RBPMS: variants seen among roughly 807,000 people sequenced by gnomAD.
RBPMS encodes the protein RNA-binding protein with multiple splicing.
RBPMS carries 7 observed loss-of-function variants against 26.8 expected under a neutral mutation model. That is an observed-to-expected ratio of 0.26 (90% CI 0.15 to 0.49). RBPMS has a LOEUF of 0.49. Ranked by LOEUF, RBPMS falls within the 20% of genes least tolerant of loss-of-function variation. The probability of loss-of-function intolerance (pLI) is 0.98; values close to 1 mark genes in which losing one functional copy is unlikely to be tolerated. For synonymous variants in RBPMS, 96 were observed against 93.3 expected (o/e 1.03, Z -0.17); for missense variants, 186 against 250.0 (o/e 0.74, Z 1.73).
In RBPMS at chr8:30,549,828, T is replaced by C. The variant is rs535373018; in HGVS notation, c.528+5204T>C. On this transcript the variant is annotated intron_variant, in intron 6 of 8. Coordinates refer to ENST00000397323, the MANE Select transcript of RBPMS (RefSeq NM_001008710.3). ...CTCCTCTCTCTCTCTCTCTCTCTCT[T>C]TTCTTTCTTTTCTTTCTTTTCTTTC... Among the ~76,000 whole-genome samples the C allele has an allele frequency of 7.9e-5, 11 of 138,842 alleles. No individual in the cohort carries two copies. The South Asian group carries it at 1.2e-3, about 15-fold the overall frequency. The allele number at this position is 138,842 out of a possible 152,430, so 91.1% of individuals were successfully genotyped here.
At chr8:30,504,568 C>T (rs1217125309) in intron 5 of RBPMS, 132 bp downstream of exon 5, 7 of 834,212 alleles carry the variant, frequency 8.4e-6, no homozygotes, top group South Asian at 4.5e-5. Flanking sequence ...GTTGCCTAGG[C>T]GTTCTTGGTG....
At chr8:30,524,482 G>A (rs1823374312) in intron 5 of RBPMS, among the ~76,000 whole-genome samples, 1 of 151,972 alleles carries the variant, frequency 6.6e-6, no homozygotes, top group African/African-American at 2.4e-5. Flanking sequence ...ACAATACTCA[G>A]GTCTATATAT....
intron 6 of RBPMS, chr8:30,556,184 C>T (rs963082782): frequency 2.4e-5 from 24 of 985,302 alleles, no homozygotes; most frequent in Admixed American, 1.2e-4. Flanking sequence ...GTCCGCCACC[C>T]GCCACCACAT....
intron 5 of RBPMS, among the ~76,000 whole-genome samples, chr8:30,509,366 T>C (rs4733495): frequency 0.73 from 110,340 of 151,836 alleles, 40,340 homozygotes; most frequent in East Asian, 0.83. Context: ...TACTTCCTTG[T>C]TTACCTGCCA....
chr8:30,497,955 C>G (rs1230646390), intron 4 of RBPMS, among the ~76,000 whole-genome samples: 2 of 151,558 alleles, frequency 1.3e-5, no homozygotes, highest in Non-Finnish European at 2.9e-5. Flanking sequence ...CAAATTTGAC[C>G]TTGAGTTTCA....
chr8:30,555,126 C>G (rs1826744974), intron 6 of RBPMS, among the ~76,000 whole-genome samples: 1 of 152,174 alleles, frequency 6.6e-6, no homozygotes, highest in South Asian at 2.1e-4. Context: ...GTACCGCTTT[C>G]TCTAGCATTC....
intron 1 of RBPMS, among the ~76,000 whole-genome samples, chr8:30,431,527 T>G (rs970101959): frequency 6.6e-6 from 1 of 152,040 alleles, no homozygotes; most frequent in African/African-American, 2.4e-5. Context: ...TGATCTTGGC[T>G]CACTGCAACC....
intron 5 of RBPMS, among the ~76,000 whole-genome samples, chr8:30,530,141 CTTGAG>C (rs1824057637): frequency 6.6e-6 from 1 of 152,230 alleles, no homozygotes; most frequent in African/African-American, 2.4e-5. Context: ...TTGATGGACA[CTTGAG>C]TTGTTTCCAC....
chr8:30,466,730 G>C, intron 1 of RBPMS, among the ~76,000 whole-genome samples: 1 of 151,834 alleles, frequency 6.6e-6, no homozygotes. Flanking sequence ...AAGTAGCTAG[G>C]ATTACAGGTG....
At chr8:30,528,025 A>C (rs1246139997) in intron 5 of RBPMS, among the ~76,000 whole-genome samples, 2 of 152,302 alleles carry the variant, frequency 1.3e-5, no homozygotes, top group East Asian at 3.9e-4. Flanking sequence ...ATATACAAAA[A>C]TTAGCCGGGC....
chr8:30,477,898 G>A, intron 3 of RBPMS, 61 bp downstream of exon 3: 1 of 1,116,998 alleles, frequency 9.0e-7, no homozygotes, highest in Non-Finnish European at 1.3e-6. Context: ...AATATTGCTG[G>A]GGCTTGACAT....
At chr8:30,566,140 CTT>C (rs1320965495) in intron 7 of RBPMS, 115 bp from the exon 8 acceptor site, 1 of 372,984 alleles carries the variant, frequency 2.7e-6, no homozygotes, top group Non-Finnish European at 3.7e-6. Context: ...CCTTTGATCT[CTT>C]TCGGCGTTGC....
intron 1 of RBPMS, among the ~76,000 whole-genome samples, chr8:30,428,004 C>CA (rs1811538000): frequency 7.5e-6 from 1 of 133,040 alleles, no homozygotes; most frequent in African/African-American, 2.8e-5. Context: ...GCCTTGGCAA[C>CA]AAAATGAGAC....
chr8:30,511,301 G>A (rs1373064924), intron 5 of RBPMS, among the ~76,000 whole-genome samples: 2 of 151,396 alleles, frequency 1.3e-5, no homozygotes, highest in African/African-American at 2.4e-5. Flanking sequence ...GTGACAGAGC[G>A]AGACTCTGCC....
At chr8:30,461,378 T>C (rs1815874972) in intron 1 of RBPMS, among the ~76,000 whole-genome samples, 1 of 152,166 alleles carries the variant, frequency 6.6e-6, no homozygotes, top group African/African-American at 2.4e-5. Flanking sequence ...CTCATTGTAG[T>C]TTCACATACA....
chr8:30,504,213 GT>G, intron 4 of RBPMS, 72 bp from the exon 5 acceptor site: 1 of 1,545,290 alleles, frequency 6.5e-7, no homozygotes, highest in Admixed American at 1.7e-5. Context: ...TTACTGGTGT[GT>G]TTATTTTGTC....
chr8:30,454,943 C>A (rs1485016665), intron 1 of RBPMS, among the ~76,000 whole-genome samples: 3 of 152,204 alleles, frequency 2.0e-5, no homozygotes, highest in Non-Finnish European at 4.4e-5. Context: ...CTGCCTCAGC[C>A]TCCCAAGTAG....
intron 4 of RBPMS, among the ~76,000 whole-genome samples, chr8:30,491,304 G>A (rs1001173253): frequency 2.6e-4 from 39 of 151,990 alleles, no homozygotes; most frequent in Non-Finnish European, 2.1e-4. Flanking sequence ...AAAATTTGTT[G>A]TCAAGTTGTA....
intron 1 of RBPMS, among the ~76,000 whole-genome samples, chr8:30,434,083 C>T (rs773070223): frequency 1.3e-5 from 2 of 151,878 alleles, no homozygotes; most frequent in Admixed American, 6.6e-5. Flanking sequence ...CACCACTGCA[C>T]TCCAGCCTGG....
Sources: gnomAD v4.1 joint callset for allele counts (sites outside exome capture counted in the v4.1 genomes callset) on GRCh38, gnomAD v4.1.1 for gene constraint, MANE v1.5 for transcripts, NCBI Gene and HGNC (gene_info 2026-07-23, HGNC 2026-07-21) for gene names.